FAXDC2: variants seen among roughly 807,000 people sequenced by gnomAD.
FAXDC2 encodes fatty acid hydroxylase domain containing 2.
A neutral mutation model predicts 40.9 loss-of-function variants in FAXDC2; 41 were observed. The observed-to-expected ratio is 1.00, with a 90% CI of 0.78 to 1.30. FAXDC2 has a LOEUF of 1.30. Ranked by LOEUF, FAXDC2 falls within the 50% of genes most tolerant of loss-of-function variation. FAXDC2 has a pLI of 0.00. For synonymous variants in FAXDC2, 157 were observed against 149.3 expected (o/e 1.05, Z -0.38); for missense variants, 390 against 408.8 (o/e 0.95, Z 0.40).
chr5:154,837,244 G>A (rs1226614112), intron 2 of FAXDC2, among the ~76,000 whole-genome samples: 1 of 152,062 alleles, frequency 6.6e-6, no homozygotes, highest in Non-Finnish European at 1.5e-5. Flanking sequence ...AGGCTGGATT[G>A]GCCAGACCAA....
chr5:154,823,805 A>G, intron 5 of FAXDC2: 1 of 551,352 alleles, frequency 1.8e-6, no homozygotes, highest in South Asian at 2.1e-5. Context: ...CTGTCCTTGG[A>G]AACTTCAGCA....
intron 1 of FAXDC2, among the ~76,000 whole-genome samples, chr5:154,841,333 G>A (rs1239278785): frequency 2.0e-5 from 3 of 152,200 alleles, no homozygotes; most frequent in African/African-American, 4.8e-5. Context: ...AGTTAGTAGA[G>A]TGCAGCTGCA....
intron 1 of FAXDC2, among the ~76,000 whole-genome samples, chr5:154,840,141 A>G (rs1041782614): frequency 3.9e-5 from 6 of 152,138 alleles, no homozygotes; most frequent in Non-Finnish European, 5.9e-5. Flanking sequence ...TTCCATCTCT[A>G]TGGATGTTTT....
intron 1 of FAXDC2, among the ~76,000 whole-genome samples, chr5:154,839,452 G>A (rs1244568980): frequency 1.3e-5 from 2 of 151,550 alleles, no homozygotes; most frequent in African/African-American, 4.9e-5. Flanking sequence ...AGACCAGCCT[G>A]GGCAAACATA....
chr5:154,845,888 C>T (rs959472577), intron 1 of FAXDC2, among the ~76,000 whole-genome samples: 4 of 150,812 alleles, frequency 2.7e-5, no homozygotes, highest in African/African-American at 7.3e-5. Context: ...CGGGTTCAAG[C>T]GATTCTCCTG....
At chr5:154,843,555 C>T (rs979784156) in intron 1 of FAXDC2, among the ~76,000 whole-genome samples, 2 of 152,184 alleles carry the variant, frequency 1.3e-5, no homozygotes, top group African/African-American at 4.8e-5. Context: ...ACCAAGAAAT[C>T]TCTATAGGAA....
intron 2 of FAXDC2, among the ~76,000 whole-genome samples, chr5:154,835,859 G>A (rs1027683610): frequency 6.8e-6 from 1 of 147,484 alleles, no homozygotes; most frequent in Non-Finnish European, 1.5e-5. Context: ...GGGATTACAG[G>A]AGTGAGCCAC....
intron 4 of FAXDC2, among the ~76,000 whole-genome samples, chr5:154,832,254 C>T (rs1341385867): frequency 1.3e-5 from 2 of 150,044 alleles, no homozygotes; most frequent in Non-Finnish European, 3.0e-5. Flanking sequence ...TGCTCTGTCA[C>T]CCAGGCTGGA....
At chr5:154,824,530 T>A (rs1472613463) in intron 5 of FAXDC2, 15 of 702,470 alleles carry the variant, frequency 2.1e-5, no homozygotes, top group Non-Finnish European at 2.6e-6. Flanking sequence ...TTTACTTCCA[T>A]CCCATTGCGA....
chr5:154,825,935 G>A (rs888990224), intron 5 of FAXDC2, among the ~76,000 whole-genome samples: 4 of 152,062 alleles, frequency 2.6e-5, no homozygotes, highest in African/African-American at 4.8e-5. Flanking sequence ...TTGGCAGGAC[G>A]ATCAGAAATG....
chr5:154,847,456 C>CT (rs1489993498), intron 1 of FAXDC2, among the ~76,000 whole-genome samples: 2 of 149,960 alleles, frequency 1.3e-5, no homozygotes, highest in African/African-American at 4.9e-5. Context: ...CAGCCCAACT[C>CT]TTTCAGATTT....
chr5:154,844,887 G>A lies in FAXDC2; in HGVS notation c.-1+5596C>T, dbSNP rs116665865. On this transcript the variant is annotated intron_variant, in intron 1 of 8. Coordinates refer to ENST00000326080, the MANE Select transcript of FAXDC2 (RefSeq NM_032385.5). ...GGAAACTGCGTATTGCTGAGACTGAGTGATTAGGGGCTGATAAGTATGTTT... is the reference window on the plus strand; with the variant it reads ...GGAAACTGCGTATTGCTGAGACTGAATGATTAGGGGCTGATAAGTATGTTT... Among the ~76,000 whole-genome samples the A allele has an allele frequency of 5.4e-3, 823 of 152,280 alleles. 6 individuals are homozygous for A. The highest frequency in any genetic ancestry group is 0.019 in the African/African-American group (773 of 41,554).
chr5:154,838,754 C>A (rs181875294), intron 1 of FAXDC2: 1 of 152,880 alleles, frequency 6.5e-6, no homozygotes, highest in East Asian at 1.9e-4. Context: ...TCCACCACCA[C>A]GCCCGGCTAA....
chr5:154,841,476 T>A (rs1188702991), intron 1 of FAXDC2, among the ~76,000 whole-genome samples: 4 of 152,146 alleles, frequency 2.6e-5, no homozygotes, highest in Admixed American at 2.6e-4. Context: ...AGCAAGCATT[T>A]CAGGATGGTA....
At chr5:154,822,268 AAAGAAAGTTGTTGGGATGAT>A in intron 7 of FAXDC2, 184 bp downstream of exon 7, 1 of 552,072 alleles carries the variant, frequency 1.8e-6, no homozygotes, top group Non-Finnish European at 3.2e-6. Flanking sequence ...AAAAAGAAAA[AAAGAAAGTTGTTGGGATGAT>A]TAAATGAGAC....
Position 154,848,096 on chromosome 5 carries a change from C to T in FAXDC2, c.-1+2387G>A, listed in dbSNP as rs572622267. 1.7e-3 allele frequency among the ~76,000 whole-genome samples: 260 copies of T among 152,350 alleles called. 2 individuals carry two copies. Among genetic ancestry groups the T allele is most frequent in the African/African-American group, 5.8e-3 (242 of 41,588 alleles). ...CCTTGTGATCCGCCCGCCTCGGCCTCCCAATGTGCTGGGATTACAGGCGTG... is the reference window on the plus strand; with the variant it reads ...CCTTGTGATCCGCCCGCCTCGGCCTTCCAATGTGCTGGGATTACAGGCGTG... On this transcript the variant is annotated intron_variant, in intron 1 of 8. Coordinates refer to ENST00000326080, the MANE Select transcript of FAXDC2 (RefSeq NM_032385.5).
At chr5:154,849,204 C>G (rs1760676742) in intron 1 of FAXDC2, among the ~76,000 whole-genome samples, 1 of 150,672 alleles carries the variant, frequency 6.6e-6, no homozygotes. Flanking sequence ...CTCTTGAACC[C>G]AGGAGGTGGA....
At position 154,830,832 on chromosome 5, in the gene FAXDC2, CG is replaced by C. The variant is rs766508479; in HGVS notation, c.334del (p.Arg112AlafsTer15). ...ATTCTTGCCGACCTGAATTCGGTAG[CG>C]AGAGATGAAGTTAGGTTTTCCTGTT... Reference protein sequence around the residue: ...DTTGKPNFISRYRIQVGKNEP... With the variant: ...DTTGKPNFISXYRIQVGKNEP... On this transcript the variant is annotated frameshift_variant, in exon 5 of 9. Coordinates refer to ENST00000326080, the MANE Select transcript of FAXDC2 (RefSeq NM_032385.5). LOFTEE classifies it high-confidence loss of function. 6.2e-7 allele frequency: 1 copy of C among 1,614,044 alleles called. No individual in the cohort carries two copies. Among genetic ancestry groups the C allele is most frequent in the Non-Finnish European group, 8.5e-7 (1 of 1,180,002 alleles).
intron 1 of FAXDC2, among the ~76,000 whole-genome samples, chr5:154,846,430 A>G (rs986889598): frequency 6.6e-6 from 1 of 152,200 alleles, no homozygotes; most frequent in Non-Finnish European, 1.5e-5. Context: ...ATTTTATAAC[A>G]TCGTATAACT....
Sources: gnomAD v4.1 joint callset for allele counts (sites outside exome capture counted in the v4.1 genomes callset) on GRCh38, gnomAD v4.1.1 for gene constraint, MANE v1.5 for transcripts, NCBI Gene and HGNC (gene_info 2026-07-23, HGNC 2026-07-21) for gene names.